Variants in PTPRK observed in about 807,000 individuals in gnomAD.
PTPRK encodes receptor-type tyrosine-protein phosphatase kappa.
PTPRK carries 75 observed loss-of-function variants against 178.0 expected under a neutral mutation model. The observed-to-expected ratio is 0.42, with a 90% CI of 0.35 to 0.51. The LOEUF (loss-of-function observed/expected upper bound fraction) is 0.51. PTPRK is among the 20% of genes least tolerant of loss of function. PTPRK has a pLI of 0.02. For missense variants in PTPRK, 1,441 were observed against 1,797.8 expected, an observed-to-expected ratio of 0.80 and a Z score of 3.59; for synonymous variants, 637 against 620.6, an observed-to-expected ratio of 1.03 and a Z score of -0.39.
intron 6 of PTPRK, among the ~76,000 whole-genome samples, chr6:128,194,056 T>A (rs1001042980): frequency 1.4e-5 from 2 of 138,010 alleles, no homozygotes; most frequent in African/African-American, 2.8e-5. Context: ...GCAATAATAT[T>A]TATATATATA....
intron 16 of PTPRK, among the ~76,000 whole-genome samples, chr6:127,998,347 C>T (rs1349688356): frequency 6.6e-6 from 1 of 152,010 alleles, no homozygotes; most frequent in African/African-American, 2.4e-5. Flanking sequence ...AGAGAAGTAC[C>T]TGCTACTTGA....
Position 128,345,033 on chromosome 6 carries a change from AT to A in PTPRK, c.224-22724del, listed in dbSNP as rs66515832. 2.6e-3 allele frequency among the ~76,000 whole-genome samples: 381 copies of A among 144,856 alleles called. 2 individuals carry two copies. Among genetic ancestry groups the A allele is most frequent in the African/African-American group, 8.8e-3 (348 of 39,494 alleles). ...AGTAGGTCTCAGTATAAGCCAGGTG[AT>A]TTTTTTTTTTTTTTTTTGGTGGAGA... On this transcript the variant is annotated intron_variant, in intron 2 of 29. Transcript: ENST00000368226.
At chr6:128,219,177 T>A in intron 5 of PTPRK, 81 bp from the exon 6 acceptor site, 1 of 1,283,732 alleles carries the variant, frequency 7.8e-7, no homozygotes, top group Non-Finnish European at 1.1e-6. Flanking sequence ...GCAATATCTG[T>A]GATAAATTAT....
intron 3 of PTPRK, among the ~76,000 whole-genome samples, chr6:128,314,384 C>T (rs532856295): frequency 6.6e-6 from 1 of 152,306 alleles, no homozygotes; most frequent in Admixed American, 6.5e-5. Context: ...GATTAGGTTG[C>T]TCAATAACCA....
chr6:128,133,253 C>A (rs913322808), intron 7 of PTPRK, among the ~76,000 whole-genome samples: 3 of 152,130 alleles, frequency 2.0e-5, no homozygotes, highest in South Asian at 4.1e-4. Flanking sequence ...AAGATATAAT[C>A]CTGACAACGG....
chr6:128,366,794 G>GTGAATTAATT lies in PTPRK; in HGVS notation c.223+30771_223+30772insAATTAATTCA, dbSNP rs1835560414. 2.0e-5 allele frequency among the ~76,000 whole-genome samples: 3 copies of GTGAATTAATT among 152,250 alleles called. No homozygotes were observed. The South Asian group carries it at 6.2e-4, about 32-fold the overall frequency. On this transcript the variant is annotated intron_variant, in intron 2 of 29. Coordinates refer to ENST00000368226, the MANE Select transcript of PTPRK (RefSeq NM_002844.4). ...GTGGGTTCATGAAACATAAAAGAGA[G>GTGAATTAATT]TGAATTAAAATCATGGTGACAGTTT...
intron 7 of PTPRK, among the ~76,000 whole-genome samples, chr6:128,127,767 CT>C (rs2114440213): frequency 6.6e-6 from 1 of 152,284 alleles, no homozygotes; most frequent in South Asian, 2.1e-4. Context: ...AAAATATTAT[CT>C]TTCAATAATG....
At chr6:127,992,099 A>G (rs1029718798) in intron 19 of PTPRK, among the ~76,000 whole-genome samples, 1 of 151,812 alleles carries the variant, frequency 6.6e-6, no homozygotes, top group African/African-American at 2.4e-5. Flanking sequence ...ATTTAGAGAG[A>G]TAACTACAGA....
intron 8 of PTPRK, among the ~76,000 whole-genome samples, chr6:128,086,084 C>A (rs1436919692): frequency 6.6e-6 from 1 of 152,130 alleles, no homozygotes; most frequent in Non-Finnish European, 1.5e-5. Context: ...TTCACATTTC[C>A]ACATCAACAA....
chr6:127,977,074 A>G lies in PTPRK; in HGVS notation c.3712-20T>C. 6.2e-7 allele frequency: 1 copy of G among 1,611,418 alleles called. No individual in the cohort carries two copies. The highest frequency in any genetic ancestry group is 1.7e-4 in the Middle Eastern group (1 of 6,054). On this transcript the variant is annotated intron_variant, in intron 25 of 29. Coordinates refer to ENST00000368226, the MANE Select transcript of PTPRK (RefSeq NM_002844.4). Reference sequence around the variant, plus strand: ...GTAGCTCTGTGAAGAAACAAGGTAGATGGAGAAATATAAAAACTTAAAATG... The same window carrying G: ...GTAGCTCTGTGAAGAAACAAGGTAGGTGGAGAAATATAAAAACTTAAAATG...
rs1056609886 is a variant in PTPRK, at chr6:128,519,433, T to C, written c.100+826A>G. On this transcript the variant is annotated intron_variant, in intron 1 of 29. Coordinates refer to ENST00000368226, the MANE Select transcript of PTPRK (RefSeq NM_002844.4). This position sits in a 1 kb window ranked among gnomAD's most constrained non-coding sequence, Gnocchi z 4.3. The stretch of plus-strand genomic sequence containing the variant: ...TCCGGCAGAAGGCAGACATTTACAG[T>C]CCGCTTCCAGCCCCAGGCCGGATCC... 7.0e-4 allele frequency among the ~76,000 whole-genome samples: 106 copies of C among 152,094 alleles called. No individual in the cohort carries two copies. The highest frequency in any genetic ancestry group is 2.1e-3 in the African/African-American group (89 of 41,528).
At position 128,242,291 on chromosome 6, in the gene PTPRK, T is replaced by C. The variant is rs181597640; in HGVS notation, c.577+230A>G. 4.4e-4 allele frequency among the ~76,000 whole-genome samples: 67 copies of C among 152,326 alleles called. No individual in the cohort carries two copies. The East Asian group carries it at 0.012, about 28-fold the overall frequency. ...GTATATTTTGTTCTCAGTAATGAAA[T>C]AATTTAAAAGAATCTCCTAATAGGT... On this transcript the variant is annotated intron_variant, in intron 4 of 29. Coordinates refer to ENST00000368226, the MANE Select transcript of PTPRK (RefSeq NM_002844.4).
rs1849545488 is a variant in PTPRK, at chr6:128,464,638, C to CATATATATATATATGTAT, written c.100+55620_100+55621insATACATATATATATATAT. On this transcript the variant is annotated intron_variant, in intron 1 of 29. Transcript: ENST00000368226. ...ACATATACATATATATATATATACACATATATATATATATATATATATATA... is the reference window on the plus strand; with the variant it reads ...ACATATACATATATATATATATACACATATATATATATATGTATATATATATATATATATATATATATA... 2.3e-4 allele frequency among the ~76,000 whole-genome samples: 11 copies of CATATATATATATATGTAT among 48,606 alleles called. No homozygotes were observed. In the East Asian group the frequency reaches 2.5e-3, roughly 11 times the overall value. 31.9% of individuals were successfully genotyped at this position (48,606 alleles called of 152,430 possible).
At chr6:127,972,887 A>G in intron 29 of PTPRK, 135 bp downstream of exon 29, 1 of 801,578 alleles carries the variant, frequency 1.2e-6, no homozygotes, top group Non-Finnish European at 2.0e-6. Context: ...CAATGTATTA[A>G]TTAGGCAGGA....
At chr6:127,981,977 C>G (rs12660356) in intron 24 of PTPRK, among the ~76,000 whole-genome samples, 3,046 of 152,154 alleles carry the variant, frequency 0.02, 64 homozygotes, top group South Asian at 0.073. Flanking sequence ...GTAGCTGGGA[C>G]TACAGGCATG....
intron 2 of PTPRK, among the ~76,000 whole-genome samples, chr6:128,346,636 G>T (rs1046167087): frequency 3.3e-5 from 5 of 152,080 alleles, no homozygotes; most frequent in African/African-American, 1.2e-4. Context: ...GCCTGTAAAT[G>T]TTCCCTTCAA....
chr6:128,362,650 T>C (rs1176809843), intron 2 of PTPRK, among the ~76,000 whole-genome samples: 1 of 152,164 alleles, frequency 6.6e-6, no homozygotes, highest in African/African-American at 2.4e-5. Context: ...GAAATCCTAG[T>C]TTTCACCTTT....
intron 2 of PTPRK, among the ~76,000 whole-genome samples, chr6:128,339,508 TCAA>T (rs1338653087): frequency 4.6e-5 from 7 of 152,082 alleles, no homozygotes; most frequent in Non-Finnish European, 8.8e-5. Context: ...TGATCAGCAT[TCAA>T]TTCAAAAGAC....
intron 1 of PTPRK, among the ~76,000 whole-genome samples, chr6:128,461,794 A>G (rs1440254870): frequency 2.0e-5 from 3 of 151,990 alleles, no homozygotes; most frequent in Non-Finnish European, 1.5e-5. Context: ...ACCACTTCCC[A>G]TCTCTGCAGA....
Sources: gnomAD v4.1 joint callset for allele counts (sites outside exome capture counted in the v4.1 genomes callset) on GRCh38, gnomAD v4.1.1 for gene constraint, Gnocchi (gnomAD v3.1) non-coding constraint, MANE v1.5 for transcripts, NCBI Gene and HGNC (gene_info 2026-07-23, HGNC 2026-07-21) for gene names.